The following NLGN1 variants were observed in gnomAD, a reference collection of about 807,000 sequenced individuals.
NLGN1 encodes the protein neuroligin 1.
In NLGN1, 12 loss-of-function variants were observed where a neutral mutation model predicts 65.5. The observed-to-expected ratio is 0.18, with a 90% CI of 0.12 to 0.30. The LOEUF (loss-of-function observed/expected upper bound fraction) is 0.30. Ranked by LOEUF, NLGN1 falls within the 10% of genes least tolerant of loss-of-function variation. The pLI, the probability that NLGN1 is intolerant of heterozygous loss-of-function variation, is 1.00. For missense variants in NLGN1, 750 were observed against 1,007.1 expected, an observed-to-expected ratio of 0.74 and a Z score of 3.46; for synonymous variants, 350 against 359.5, an observed-to-expected ratio of 0.97 and a Z score of 0.30.
At chr3:173,522,261 C>G (rs544540625) in intron 2 of NLGN1, among the ~76,000 whole-genome samples, 2 of 152,208 alleles carry the variant, frequency 1.3e-5, no homozygotes, top group African/African-American at 4.8e-5. Flanking sequence ...TGGCCCCGTT[C>G]ATGTCACTGC....
intron 4 of NLGN1, among the ~76,000 whole-genome samples, chr3:173,878,244 G>C (rs192149230): frequency 7.9e-5 from 12 of 152,158 alleles, no homozygotes; most frequent in South Asian, 2.1e-4. Context: ...GTTTCACCAG[G>C]TTGGTCAGGC....
At chr3:173,511,599 A>G (rs532799826) in intron 2 of NLGN1, among the ~76,000 whole-genome samples, 1 of 152,282 alleles carries the variant, frequency 6.6e-6, no homozygotes, top group East Asian at 1.9e-4. Flanking sequence ...TTCCCATCAC[A>G]TGCTTGTTAG....
chr3:174,250,449 G>T (rs1419451369), intron 4 of NLGN1, among the ~76,000 whole-genome samples: 1 of 152,072 alleles, frequency 6.6e-6, no homozygotes, highest in African/African-American at 2.4e-5. Context: ...TTTGTTTCTG[G>T]GGAAAGCATT....
intron 3 of NLGN1, among the ~76,000 whole-genome samples, chr3:173,729,304 A>G (rs986918862): frequency 1.3e-5 from 2 of 152,106 alleles, no homozygotes; most frequent in African/African-American, 2.4e-5. Flanking sequence ...AGATTCATCA[A>G]TGGATCAAGG....
In NLGN1 at chr3:174,201,354, GGAAGGAAGGAAGGAAGGAAGGAAA is replaced by G. The variant is rs1734449183; in HGVS notation, c.647-73941_647-73918del. On this transcript the variant is annotated intron_variant, in intron 4 of 6. Coordinates refer to ENST00000457714, the Ensembl canonical transcript of NLGN1. ...AGGGAAGGTGGGAGGAATGAAGGAAGGAAGGAAGGAAGGAAGGAAGGAAAGAAGGAAGGAAGGAAGGAAAGGGAA... is the reference window on the plus strand; with the variant it reads ...AGGGAAGGTGGGAGGAATGAAGGAAGGAAGGAAGGAAGGAAGGAAAGGGAA... 4.2e-4 allele frequency among the ~76,000 whole-genome samples: 11 copies of G among 26,236 alleles called. No individual in the cohort carries two copies. The South Asian group carries it at 9.0e-3, about 21-fold the overall frequency. The allele number at this position is 26,236 out of a possible 152,430, so 17.2% of individuals were successfully genotyped here.
At chr3:174,073,268 A>G (rs934867406) in intron 4 of NLGN1, among the ~76,000 whole-genome samples, 2 of 152,120 alleles carry the variant, frequency 1.3e-5, no homozygotes, top group African/African-American at 4.8e-5. Flanking sequence ...ATTCCATTCC[A>G]TCGCAAAGTT....
At chr3:174,025,103 A>C (rs183990191) in intron 4 of NLGN1, among the ~76,000 whole-genome samples, 15 of 152,290 alleles carry the variant, frequency 9.8e-5, no homozygotes, top group Admixed American at 9.2e-4. Flanking sequence ...AACAATATTT[A>C]TTTCAGTTAA....
At chr3:174,138,624 T>C (rs754265885) in intron 4 of NLGN1, among the ~76,000 whole-genome samples, 48 of 151,916 alleles carry the variant, frequency 3.2e-4, no homozygotes, top group Non-Finnish European at 5.4e-4. Context: ...TTAGTAGAGA[T>C]GGGGTTTCAC....
intron 3 of NLGN1, among the ~76,000 whole-genome samples, chr3:173,670,377 A>G (rs1762291706): frequency 6.6e-6 from 1 of 152,128 alleles, no homozygotes; most frequent in African/African-American, 2.4e-5. Flanking sequence ...GTGATGTGTC[A>G]TTCATTTGTT....
At chr3:173,474,202 T>C (rs1725803460) in intron 2 of NLGN1, among the ~76,000 whole-genome samples, 1 of 152,148 alleles carries the variant, frequency 6.6e-6, no homozygotes, top group South Asian at 2.1e-4. Context: ...TTCTTCTGAA[T>C]TCTAGTCTGT....
At chr3:173,936,537 T>C (rs1745104616) in intron 4 of NLGN1, among the ~76,000 whole-genome samples, 1 of 152,098 alleles carries the variant, frequency 6.6e-6, no homozygotes, top group Non-Finnish European at 1.5e-5. Flanking sequence ...CCTTGGACGT[T>C]ATTACTGCAG....
At chr3:173,875,998 C>T (rs1239268582) in intron 4 of NLGN1, among the ~76,000 whole-genome samples, 2 of 150,080 alleles carry the variant, frequency 1.3e-5, no homozygotes, top group East Asian at 3.9e-4. Flanking sequence ...AAAAGCCTCT[C>T]AAAAAAAAAT....
chr3:173,500,084 CCA>C (rs1730791997), intron 2 of NLGN1, among the ~76,000 whole-genome samples: 1 of 152,128 alleles, frequency 6.6e-6, no homozygotes, highest in Non-Finnish European at 1.5e-5. Flanking sequence ...ACTTCCAACA[CCA>C]TGTTGAATAG....
intron 4 of NLGN1, among the ~76,000 whole-genome samples, chr3:173,872,145 T>G (rs1731296781): frequency 1.3e-5 from 2 of 152,022 alleles, no homozygotes; most frequent in African/African-American, 4.8e-5. Context: ...TCTCGTGGAC[T>G]GAGAGAGGAC....
intron 3 of NLGN1, among the ~76,000 whole-genome samples, chr3:173,605,823 G>T (rs948002020): frequency 1.3e-5 from 2 of 152,036 alleles, no homozygotes; most frequent in Non-Finnish European, 2.9e-5. Context: ...TGGTAGCATC[G>T]GCAAGAGTTG....
intron 4 of NLGN1, among the ~76,000 whole-genome samples, chr3:174,042,450 C>A (rs1005394940): frequency 1.3e-5 from 2 of 151,884 alleles, no homozygotes; most frequent in Non-Finnish European, 2.9e-5. Context: ...ATTAGACTAC[C>A]CTTTGTTGAA....
At chr3:173,735,062 C>G (rs2150076775) in intron 3 of NLGN1, among the ~76,000 whole-genome samples, 1 of 152,192 alleles carries the variant, frequency 6.6e-6, no homozygotes, top group South Asian at 2.1e-4. Context: ...TAAGGGTCCA[C>G]TAGGACTCTG....
At chr3:174,084,275 A>G (rs994053727) in intron 4 of NLGN1, among the ~76,000 whole-genome samples, 6 of 152,180 alleles carry the variant, frequency 3.9e-5, no homozygotes, top group African/African-American at 1.2e-4. Flanking sequence ...AGAATATTTA[A>G]AAAATAATCT....
chr3:174,233,757 CTT>C (rs1433267028), intron 4 of NLGN1, among the ~76,000 whole-genome samples: 1 of 151,924 alleles, frequency 6.6e-6, no homozygotes, highest in Non-Finnish European at 1.5e-5. Context: ...AAAGAATTGA[CTT>C]AAAGATGTGG....
Sources: gnomAD v4.1 joint callset for allele counts (sites outside exome capture counted in the v4.1 genomes callset) on GRCh38, gnomAD v4.1.1 for gene constraint, MANE v1.5 for transcripts, NCBI Gene and HGNC (gene_info 2026-07-23, HGNC 2026-07-21) for gene names.